TBC1D13: variants seen among roughly 807,000 people sequenced by gnomAD.
The protein encoded by TBC1D13 is epididymis secretory sperm binding protein.
In TBC1D13, 40 loss-of-function variants were observed where a neutral mutation model predicts 53.6. The observed-to-expected ratio is 0.75, with a 90% CI of 0.58 to 0.97. TBC1D13 has a LOEUF of 0.97. Among genes scored for constraint, TBC1D13 ranks in the 50% least tolerant of loss-of-function variants. The probability of loss-of-function intolerance (pLI) is 0.00; values close to 1 mark genes in which losing one functional copy is unlikely to be tolerated. For synonymous variants in TBC1D13, 182 were observed against 197.7 expected (o/e 0.92, Z 0.67); for missense variants, 377 against 499.4 (o/e 0.75, Z 2.34).
At chr9:128,790,088 C>G (rs1829502960) in intron 2 of TBC1D13, 1 of 151,222 alleles carries the variant, frequency 6.6e-6, no homozygotes, top group African/African-American at 2.4e-5. Flanking sequence ...GAAACCCTGT[C>G]TCTACTAAAA....
At position 128,788,247 on chromosome 9, in the gene TBC1D13, A is replaced by C; in HGVS notation, c.24-87A>C. ...AAAGGGGAGAGAGGCACAGGTTGGA[A>C]ACTGGCAGTGTGAGGGAGCTGAGGG... On this transcript the variant is annotated intron_variant, in intron 1 of 11. Transcript: ENST00000372648. 4 of 1,184,432 alleles carry C rather than the reference A, an allele frequency of 3.4e-6. No homozygotes were observed. In the Admixed American group the frequency reaches 6.9e-5, roughly 21 times the overall value. The allele number at this position is 1,184,432 out of a possible 1,614,324, so 73.4% of individuals were successfully genotyped here. A position where few individuals can be genotyped will look rare whatever the true frequency, so the allele number is the denominator to read the frequency against.
chr9:128,805,092 T>C (rs1444481971), intron 9 of TBC1D13, among the ~76,000 whole-genome samples: 1 of 152,124 alleles, frequency 6.6e-6, no homozygotes, highest in Non-Finnish European at 1.5e-5. Context: ...ACAGTTGTAA[T>C]CCTAGCACTT....
In TBC1D13 at chr9:128,791,617, G is replaced by C. The variant is rs1182495665; in HGVS notation, c.224G>C (p.Arg75Thr). 1.9e-6 allele frequency: 3 copies of C among 1,614,102 alleles called. No individual in the cohort carries two copies. The highest frequency in any genetic ancestry group is 2.5e-6 in the Non-Finnish European group (3 of 1,180,040). The stretch of plus-strand genomic sequence containing the variant: ...AGGGAGCTGTATGCCCAGTTCCTGA[G>C]GGAAATGATCATCCAGCCTGGCATT... ...KQRELYAQFL[R>T]EMIIQPGIAK... The change falls in exon 5 of 12, where the codon AGG becomes ACG. Residue 75 changes from arginine (R) to threonine (T), a missense_variant. Physicochemically the swap from Arg to Thr is moderately conservative, Grantham distance 71. Transcript: ENST00000372648.
chr9:128,805,494 C>A (rs1829814622), intron 9 of TBC1D13, among the ~76,000 whole-genome samples: 1 of 152,144 alleles, frequency 6.6e-6, no homozygotes, highest in African/African-American at 2.4e-5. Flanking sequence ...TAAGCATAGC[C>A]CAGGCTTTTA....
rs987457225 is a variant in TBC1D13, at chr9:128,808,197, G to A, written c.*318G>A. The A allele has an allele frequency of 1.9e-5, 7 of 371,894 alleles. No homozygotes were observed. The highest frequency in any genetic ancestry group is 5.0e-5 in the East Asian group (1 of 20,178). The allele number at this position is 371,894 out of a possible 1,614,324, so 23.0% of individuals were successfully genotyped here. ...GGCCCCTCCCTGCCTCGGCTCTGCC[G>A]CCCCAGCCTCAGTTCCTGCTTCTGG... On this transcript the variant is annotated 3_prime_UTR_variant, in exon 12 of 12. Coordinates refer to ENST00000372648, the MANE Select transcript of TBC1D13 (RefSeq NM_018201.5).
chr9:128,807,095 T>TG (rs1829849770), intron 11 of TBC1D13, among the ~76,000 whole-genome samples: 2 of 151,080 alleles, frequency 1.3e-5, no homozygotes, highest in African/African-American at 4.9e-5. Context: ...GTTGTTGTTT[T>TG]TTTTTTTTTG....
chr9:128,796,918 A>G, intron 6 of TBC1D13, 137 bp from the exon 7 acceptor site: 1 of 891,302 alleles, frequency 1.1e-6, no homozygotes, highest in South Asian at 1.6e-5. Flanking sequence ...CCTGGGCGAC[A>G]GTGCAAGACT....
At position 128,787,372 on chromosome 9, in the gene TBC1D13, A is replaced by C; in HGVS notation, c.19A>C (p.Ser7Arg). Residue 7 changes from serine to arginine, a missense_variant, in exon 1 of 12, where the codon AGC becomes CGC. Physicochemically the swap from Ser to Arg is moderately radical, Grantham distance 110. Transcript: ENST00000372648. MSSLHKSRIADFQDVLK... is the reference protein window; with the variant it reads MSSLHKRRIADFQDVLK... ...CAACACCATGTCAAGTCTGCACAAG[A>C]GCCGGTAAGGGGCCATGGGGCCTGA... is the stretch of plus-strand genomic sequence containing the variant. 2 of 1,259,848 alleles carry C rather than the reference A, an allele frequency of 1.6e-6. No homozygotes were observed. The highest frequency in any genetic ancestry group is 2.0e-6 in the Non-Finnish European group (2 of 994,662). 78.0% of individuals were successfully genotyped at this position (1,259,848 alleles called of 1,614,324 possible).
intron 11 of TBC1D13, among the ~76,000 whole-genome samples, 176 bp downstream of exon 11, chr9:128,806,487 C>T (rs892593570): frequency 3.9e-5 from 6 of 152,214 alleles, no homozygotes; most frequent in African/African-American, 1.4e-4. Context: ...GGTTCTGCCA[C>T]TGACCTGGAA....
rs1829560120 is a variant in TBC1D13 at position 128,792,897 on chromosome 9, T to C, written c.383+323T>C. On this transcript the variant is annotated intron_variant, in intron 6 of 11. Coordinates refer to ENST00000372648, the MANE Select transcript of TBC1D13 (RefSeq NM_018201.5). ...GCCAGGCTTAGCACTAAGTTCAGGG[T>C]TGAGCACTGGTGTGTTCCCTCTCCT... Among the ~76,000 whole-genome samples the C allele has an allele frequency of 1.3e-5, 2 of 152,320 alleles. 1 individual carries two copies. Among genetic ancestry groups the C allele is most frequent in the South Asian group, 4.1e-4 (2 of 4,828 alleles).
chr9:128,787,585 T>C (rs914386570), intron 1 of TBC1D13, among the ~76,000 whole-genome samples: 2 of 152,072 alleles, frequency 1.3e-5, no homozygotes, highest in Non-Finnish European at 2.9e-5. Context: ...TCACTGCTTC[T>C]GCCTCCCTCA....
rs77900447 is a variant in TBC1D13 at position 128,791,712 on chromosome 9, C to A, written c.300+19C>A. ...GGACCATGTGAGTAGAGGTTGACAGCGGAGACCCAGGATACAGAATGTGGA... is the reference window on the plus strand; with the variant it reads ...GGACCATGTGAGTAGAGGTTGACAGAGGAGACCCAGGATACAGAATGTGGA... On this transcript the variant is annotated intron_variant, in intron 5 of 11. Transcript: ENST00000372648. 4,318 of 1,607,672 alleles carry A rather than the reference C, an allele frequency of 2.7e-3. 31 individuals are homozygous for A. The highest frequency in any genetic ancestry group is 0.022 in the African/African-American group (1,666 of 74,948).
At chr9:128,798,262 GAAA>G (rs1448818497) in intron 7 of TBC1D13, among the ~76,000 whole-genome samples, 1 of 150,944 alleles carries the variant, frequency 6.6e-6, no homozygotes, top group Non-Finnish European at 1.5e-5. Flanking sequence ...AAAAAAAAAA[GAAA>G]AGAAGAGAAC....
At chr9:128,802,142 G>A (rs531021849) in intron 7 of TBC1D13, among the ~76,000 whole-genome samples, 3 of 147,968 alleles carry the variant, frequency 2.0e-5, no homozygotes, top group South Asian at 2.2e-4. Flanking sequence ...CACAACCTCC[G>A]CCTCCTGGGT....
At chr9:128,801,051 T>C (rs1447332867) in intron 7 of TBC1D13, among the ~76,000 whole-genome samples, 2 of 152,118 alleles carry the variant, frequency 1.3e-5, no homozygotes, top group African/African-American at 4.8e-5. Context: ...TGAGCACCTA[T>C]AATCTCAGCT....
intron 7 of TBC1D13, among the ~76,000 whole-genome samples, chr9:128,800,981 G>A (rs141448354): frequency 1.3e-5 from 2 of 151,966 alleles, no homozygotes; most frequent in Non-Finnish European, 2.9e-5. Flanking sequence ...GACCAACATG[G>A]TGGAACCCCC....
In TBC1D13 at chr9:128,809,722, A is replaced by G. The variant is rs555218174; in HGVS notation, c.*1843A>G. 1 of 152,236 alleles carries G rather than the reference A, an allele frequency of 6.6e-6. No individual in the cohort carries two copies. The highest frequency in any genetic ancestry group is 1.5e-5 in the Non-Finnish European group (1 of 68,078). The allele number at this position is 152,236 out of a possible 1,614,324, so 9.4% of individuals were successfully genotyped here. On this transcript the variant is annotated 3_prime_UTR_variant, in exon 12 of 12. Coordinates refer to ENST00000372648, the MANE Select transcript of TBC1D13 (RefSeq NM_018201.5). ...AGATCAAAGTCAGCCTCTTCTCCCC[A>G]TGCTTCTAGGAACTGCCTGGTTTTC... is the stretch of plus-strand genomic sequence containing the variant.
chr9:128,804,093 A>C lies in TBC1D13; in HGVS notation c.892A>C (p.Lys298Gln). ...MEKVYSTLKDKDVELYLKLQE... is the reference protein window; with the variant it reads ...MEKVYSTLKDQDVELYLKLQE... ...GAAGGTTTACTCCACCTTGAAAGATAAGGATGTGGAGCTCTACCTGAAACT... is the reference window on the plus strand; with the variant it reads ...GAAGGTTTACTCCACCTTGAAAGATCAGGATGTGGAGCTCTACCTGAAACT... Residue 298 changes from lysine to glutamine, a missense_variant, in exon 9 of 12, where the codon AAG becomes CAG. Lys to Gln is a moderately conservative substitution (Grantham distance 53, BLOSUM62 1). Coordinates refer to ENST00000372648, the MANE Select transcript of TBC1D13 (RefSeq NM_018201.5). 6.2e-7 allele frequency: 1 copy of C among 1,614,002 alleles called. No homozygotes were observed. Among genetic ancestry groups the C allele is most frequent in the Non-Finnish European group, 8.5e-7 (1 of 1,179,998 alleles).
intron 7 of TBC1D13, among the ~76,000 whole-genome samples, chr9:128,799,003 C>T (rs1829685434): frequency 1.3e-5 from 2 of 152,172 alleles, no homozygotes; most frequent in East Asian, 3.9e-4. Flanking sequence ...CGTGAGCCAC[C>T]ACACCCAGCT....
Sources: gnomAD v4.1 joint callset for allele counts (sites outside exome capture counted in the v4.1 genomes callset) on GRCh38, gnomAD v4.1.1 for gene constraint, MANE v1.5 for transcripts, NCBI Gene and HGNC (gene_info 2026-07-23, HGNC 2026-07-21) for gene names.